Variants in SMYD3 observed in about 807,000 individuals in gnomAD.
SMYD3 encodes SET and MYND domain containing 3.
Under a neutral mutation model 57.7 loss-of-function variants are expected in SMYD3, and 36 were observed. That is an observed-to-expected ratio of 0.62 (90% CI 0.48 to 0.82). The LOEUF (loss-of-function observed/expected upper bound fraction) is 0.82. Ranked by LOEUF, SMYD3 falls within the 40% of genes least tolerant of loss-of-function variation. SMYD3 has a pLI of 0.00. For synonymous variants in SMYD3, 211 were observed against 195.0 expected, an observed-to-expected ratio of 1.08 and a Z score of -0.68; for missense variants, 515 against 538.8, an observed-to-expected ratio of 0.96 and a Z score of 0.44.
chr1:246,385,465 C>G (rs1479064804), intron 1 of SMYD3, among the ~76,000 whole-genome samples: 1 of 151,608 alleles, frequency 6.6e-6, no homozygotes, highest in Non-Finnish European at 1.5e-5. Context: ...AAATATTAAG[C>G]CTTACTGCAT....
At chr1:245,941,974 G>A (rs926738378) in intron 5 of SMYD3, among the ~76,000 whole-genome samples, 4 of 152,112 alleles carry the variant, frequency 2.6e-5, no homozygotes, top group Non-Finnish European at 4.4e-5. Context: ...AGCTCCTAAA[G>A]GAAGCACTAA....
chr1:246,459,096 G>C (rs961077409), intron 1 of SMYD3, among the ~76,000 whole-genome samples: 2 of 152,182 alleles, frequency 1.3e-5, no homozygotes, highest in African/African-American at 4.8e-5. Flanking sequence ...TCCCCGTGCT[G>C]TTCTCCTTAC....
At chr1:246,160,154 G>A (rs1325434439) in intron 5 of SMYD3, among the ~76,000 whole-genome samples, 1 of 152,106 alleles carries the variant, frequency 6.6e-6, no homozygotes, top group African/African-American at 2.4e-5. Flanking sequence ...ATGCCTCTGA[G>A]TATGAGCTGA....
At chr1:246,273,166 G>C (rs957798845) in intron 5 of SMYD3, among the ~76,000 whole-genome samples, 9 of 55,088 alleles carry the variant, frequency 1.6e-4, no homozygotes, top group African/African-American at 4.9e-4. Flanking sequence ...TTTTTTGGGG[G>C]GGGGACAGAG....
chr1:246,118,717 C>T (rs976690811), intron 5 of SMYD3, among the ~76,000 whole-genome samples: 2 of 150,588 alleles, frequency 1.3e-5, no homozygotes, highest in African/African-American at 5.0e-5. Context: ...TCCCTTCTTC[C>T]TTGAGACTCC....
chr1:246,370,049 G>A (rs537055013), intron 1 of SMYD3, among the ~76,000 whole-genome samples: 2 of 152,252 alleles, frequency 1.3e-5, no homozygotes, highest in East Asian at 3.9e-4. Context: ...GAATCCGAGA[G>A]GCAGACCAGC....
intron 1 of SMYD3, among the ~76,000 whole-genome samples, chr1:246,481,607 T>TATATATGTGTATATATATATATAC (rs1156393004): frequency 1.6e-5 from 1 of 61,980 alleles, no homozygotes; most frequent in Non-Finnish European, 3.3e-5. Context: ...TATATATATA[T>TATATATGTGTATATATATATATAC]ACACATACAT....
chr1:246,288,142 C>T (rs958036143), intron 5 of SMYD3, among the ~76,000 whole-genome samples: 2 of 129,472 alleles, frequency 1.5e-5, no homozygotes, highest in Non-Finnish European at 3.1e-5. Context: ...GGTGCAATCT[C>T]AGCTCACTGC....
At chr1:246,426,238 C>T (rs951283855) in intron 1 of SMYD3, 2 of 152,076 alleles carry the variant, frequency 1.3e-5, no homozygotes, top group African/African-American at 4.8e-5. Context: ...GATTTTTTAA[C>T]GACTTTATTG....
chr1:246,370,586 C>G (rs936274432), intron 1 of SMYD3, among the ~76,000 whole-genome samples: 4 of 152,170 alleles, frequency 2.6e-5, no homozygotes, highest in African/African-American at 9.7e-5. Flanking sequence ...ATGAGATAAT[C>G]TATATGGAGC....
At chr1:245,814,333 G>C in intron 10 of SMYD3, 4 of 977,646 alleles carry the variant, frequency 4.1e-6, no homozygotes, top group Non-Finnish European at 4.9e-6. Context: ...AGAAAATTAA[G>C]GTAGATACCT....
rs1043431181 is a variant in SMYD3, at chr1:246,435,118, C to T, written c.164+71936G>A. Among the ~76,000 whole-genome samples, 6 of 152,256 alleles carry T rather than the reference C, an allele frequency of 3.9e-5. No homozygotes were observed. The South Asian group carries it at 1.0e-3, about 26-fold the overall frequency. The stretch of plus-strand genomic sequence containing the variant: ...TATAAGTGGGAGCTAATCACTGGTA[C>T]TGCTGGACATAAAGACGGCAACAAT... On this transcript the variant is annotated intron_variant, in intron 1 of 11. Coordinates refer to ENST00000490107, the MANE Select transcript of SMYD3 (RefSeq NM_001167740.2).
chr1:245,833,065 A>C (rs977555288), intron 10 of SMYD3, among the ~76,000 whole-genome samples: 25 of 87,374 alleles, frequency 2.9e-4, no homozygotes, highest in Non-Finnish European at 6.6e-4. Context: ...GTGACAAAAA[A>C]AAAAAAAAAA....
chr1:246,448,170 T>C (rs1241932808), intron 1 of SMYD3, among the ~76,000 whole-genome samples: 1 of 152,126 alleles, frequency 6.6e-6, no homozygotes, highest in African/African-American at 2.4e-5. Context: ...TGAGCCAAGA[T>C]CGCGCCATTG....
intron 10 of SMYD3, among the ~76,000 whole-genome samples, chr1:245,783,867 C>T (rs373445504): frequency 1.3e-5 from 2 of 152,138 alleles, no homozygotes; most frequent in African/African-American, 4.8e-5. Flanking sequence ...TATGCTAAAA[C>T]ATACGAAACA....
chr1:245,857,415 G>A (rs1427363940), intron 10 of SMYD3, among the ~76,000 whole-genome samples: 1 of 43,632 alleles, frequency 2.3e-5, no homozygotes, highest in Non-Finnish European at 1.2e-4. Context: ...TTGACCCTGG[G>A]AAATTCCTCT....
intron 5 of SMYD3, among the ~76,000 whole-genome samples, chr1:246,271,870 T>C (rs2064229875): frequency 2.0e-5 from 3 of 152,196 alleles, no homozygotes; most frequent in African/African-American, 7.2e-5. Flanking sequence ...ATTGAATCTG[T>C]AGAGGCCTTT....
chr1:245,800,358 T>C (rs934289070), intron 10 of SMYD3, among the ~76,000 whole-genome samples: 4 of 152,184 alleles, frequency 2.6e-5, no homozygotes, highest in African/African-American at 9.7e-5. Context: ...TACACTATAT[T>C]TTGGTAATGA....
intron 10 of SMYD3, among the ~76,000 whole-genome samples, chr1:245,857,915 C>T (rs2051333721): frequency 2.0e-5 from 3 of 152,184 alleles, no homozygotes. Context: ...TGAGATCAGT[C>T]AAGAAGCAAT....
Sources: gnomAD v4.1 joint callset for allele counts (sites outside exome capture counted in the v4.1 genomes callset) on GRCh38, gnomAD v4.1.1 for gene constraint, MANE v1.5 for transcripts, NCBI Gene and HGNC (gene_info 2026-07-23, HGNC 2026-07-21) for gene names.